The following EXOC6B variants were observed in gnomAD, a reference collection of about 807,000 sequenced individuals.
EXOC6B encodes the protein SEC15 homolog B.
EXOC6B carries 54 observed loss-of-function variants against 113.5 expected under a neutral mutation model. That is an observed-to-expected ratio of 0.48 (90% CI 0.38 to 0.60). EXOC6B has a LOEUF of 0.60. EXOC6B is among the 20% of genes least tolerant of loss of function. The pLI is 0.00. For missense variants in EXOC6B, 797 were observed against 977.5 expected, an observed-to-expected ratio of 0.82 and a Z score of 2.46; for synonymous variants, 357 against 339.0, an observed-to-expected ratio of 1.05 and a Z score of -0.58.
chr2:72,272,619 T>C (rs965283252), intron 20 of EXOC6B, among the ~76,000 whole-genome samples: 2 of 152,174 alleles, frequency 1.3e-5, no homozygotes, highest in Admixed American at 1.3e-4. Context: ...TTGCTTCTGT[T>C]ACCTGCTTAG....
chr2:72,685,705 G>A (rs1026344510), intron 6 of EXOC6B, among the ~76,000 whole-genome samples: 1 of 152,112 alleles, frequency 6.6e-6, no homozygotes, highest in Non-Finnish European at 1.5e-5. Flanking sequence ...ATTGTAACAT[G>A]GGACAGATTT....
At chr2:72,631,371 C>CAT in intron 6 of EXOC6B, among the ~76,000 whole-genome samples, 1 of 144,788 alleles carries the variant, frequency 6.9e-6, no homozygotes, top group Non-Finnish European at 1.5e-5. Context: ...CTCCATCCTA[C>CAT]ATATATATAT....
rs1007045825 is a variant in EXOC6B, at chr2:72,496,633, A to C, written c.1338-74T>G. 2 of 848,834 alleles carry C rather than the reference A, an allele frequency of 2.4e-6. 1 individual carries two copies. 52.6% of individuals were successfully genotyped at this position (848,834 alleles called of 1,614,324 possible). A position where few individuals can be genotyped will look rare whatever the true frequency, so the allele number is the denominator to read the frequency against. On this transcript the variant is annotated intron_variant, in intron 13 of 21. Transcript: ENST00000272427. ...GGGGGTAGGGGAGGGGAACAGAGGG[A>C]AGGTGGGTTAATCACAAATATTTTT...
In EXOC6B at chr2:72,402,543, A is replaced by G. The variant is rs571698075; in HGVS notation, c.1981-22673T>C. 7.2e-5 allele frequency among the ~76,000 whole-genome samples: 11 copies of G among 152,310 alleles called. No individual in the cohort carries two copies. In the East Asian group the frequency reaches 2.1e-3, roughly 29 times the overall value. Reference sequence around the variant, plus strand: ...TTGTAGGGCTTGTCTAGTTGTAACAAATTCCCTCAGATTTTGTTTACCTAG... The same window carrying G: ...TTGTAGGGCTTGTCTAGTTGTAACAGATTCCCTCAGATTTTGTTTACCTAG... On this transcript the variant is annotated intron_variant, in intron 18 of 21. Coordinates refer to ENST00000272427, the MANE Select transcript of EXOC6B (RefSeq NM_015189.3).
chr2:72,768,809 G>A (rs1683253282), intron 1 of EXOC6B, among the ~76,000 whole-genome samples: 1 of 152,088 alleles, frequency 6.6e-6, no homozygotes, highest in Non-Finnish European at 1.5e-5. Context: ...AAAGCATGAT[G>A]AATGTAAAGA....
intron 20 of EXOC6B, among the ~76,000 whole-genome samples, chr2:72,288,482 A>C (rs947291090): frequency 2.6e-5 from 4 of 152,150 alleles, no homozygotes; most frequent in Non-Finnish European, 4.4e-5. Context: ...TCAATATAAC[A>C]AAGTATGTCA....
At chr2:72,675,851 A>G (rs1196501203) in intron 6 of EXOC6B, among the ~76,000 whole-genome samples, 1 of 151,918 alleles carries the variant, frequency 6.6e-6, no homozygotes, top group Non-Finnish European at 1.5e-5. Context: ...ACAAAACACA[A>G]AGTTTTCTAT....
At chr2:72,711,805 G>C (rs1573668742) in intron 6 of EXOC6B, among the ~76,000 whole-genome samples, 1 of 152,142 alleles carries the variant, frequency 6.6e-6, no homozygotes, top group Admixed American at 6.6e-5. Flanking sequence ...GATAGGGCAG[G>C]TAGTATATAC....
chr2:72,725,365 C>T (rs573326900), intron 5 of EXOC6B, among the ~76,000 whole-genome samples: 1 of 152,186 alleles, frequency 6.6e-6, no homozygotes, highest in East Asian at 1.9e-4. Context: ...TTCACACCCA[C>T]CAGGATGGCT....
intron 1 of EXOC6B, among the ~76,000 whole-genome samples, chr2:72,797,843 AATAATT>A: frequency 6.6e-6 from 1 of 151,742 alleles, no homozygotes; most frequent in Non-Finnish European, 1.5e-5. Flanking sequence ...AATTAATAAT[AATAATT>A]ATCAGCATAT....
chr2:72,686,850 C>G (rs765784316), intron 6 of EXOC6B, among the ~76,000 whole-genome samples: 3 of 152,030 alleles, frequency 2.0e-5, no homozygotes, highest in Non-Finnish European at 4.4e-5. Context: ...ATCATAAAAC[C>G]TTCGCTTCAG....
chr2:72,813,199 C>A (rs1045023766), intron 1 of EXOC6B, among the ~76,000 whole-genome samples: 2 of 152,144 alleles, frequency 1.3e-5, no homozygotes, highest in African/African-American at 4.8e-5. Flanking sequence ...AGGTGATCCT[C>A]CCACCTCAGC....
intron 18 of EXOC6B, among the ~76,000 whole-genome samples, chr2:72,441,699 C>T (rs934443540): frequency 2.0e-5 from 3 of 152,086 alleles, no homozygotes; most frequent in Non-Finnish European, 2.9e-5. Flanking sequence ...CAGGAAGAAA[C>T]TGAATCCCTG....
intron 19 of EXOC6B, among the ~76,000 whole-genome samples, chr2:72,379,283 C>T (rs1178795992): frequency 6.6e-6 from 1 of 152,152 alleles, no homozygotes; most frequent in Non-Finnish European, 1.5e-5. Flanking sequence ...TTTTGTATTT[C>T]TTATAATAGA....
At chr2:72,704,811 G>C (rs1289971748) in intron 6 of EXOC6B, among the ~76,000 whole-genome samples, 1 of 150,570 alleles carries the variant, frequency 6.6e-6, no homozygotes, top group African/African-American at 2.4e-5. Flanking sequence ...ACCAATAACA[G>C]GAGCTGAAAT....
chr2:72,608,676 T>TA (rs748847917), intron 6 of EXOC6B, among the ~76,000 whole-genome samples: 2 of 151,934 alleles, frequency 1.3e-5, no homozygotes, highest in African/African-American at 2.4e-5. Flanking sequence ...AACTAAATGT[T>TA]AAAAAAAGGA....
chr2:72,482,173 A>G (rs1286003927), intron 16 of EXOC6B, among the ~76,000 whole-genome samples: 1 of 152,206 alleles, frequency 6.6e-6, no homozygotes, highest in Non-Finnish European at 1.5e-5. Flanking sequence ...ATTAGACTAA[A>G]ATATAAGATT....
intron 19 of EXOC6B, among the ~76,000 whole-genome samples, chr2:72,365,566 C>T (rs1015286894): frequency 6.6e-6 from 1 of 152,104 alleles, no homozygotes; most frequent in African/African-American, 2.4e-5. Flanking sequence ...GTTGAAAAGT[C>T]AGAGACTAGA....
chr2:72,276,409 G>T (rs1439626100), intron 20 of EXOC6B, among the ~76,000 whole-genome samples: 1 of 152,096 alleles, frequency 6.6e-6, no homozygotes, highest in Non-Finnish European at 1.5e-5. Context: ...CCAGACAAGG[G>T]CTCTTTCTCT....
Sources: allele counts gnomAD v4.1 joint callset (sites outside exome capture counted in the v4.1 genomes callset), GRCh38; gene constraint gnomAD v4.1.1; transcripts MANE v1.5; gene names NCBI Gene and HGNC (gene_info 2026-07-23, HGNC 2026-07-21).